The following SGCD variants were observed in gnomAD, a reference collection of about 807,000 sequenced individuals.
SGCD encodes the protein delta-sarcoglycan.
In SGCD, 18 loss-of-function variants were observed where a neutral mutation model predicts 36.6. The ratio of observed to expected loss-of-function variants is 0.49; its 90% CI spans 0.34 to 0.73. The LOEUF is 0.73. Among genes scored for constraint, SGCD ranks in the 30% least tolerant of loss-of-function variants. The pLI is 0.01. For synonymous variants in SGCD, 133 were observed against 130.6 expected, an observed-to-expected ratio of 1.02 and a Z score of -0.12; for missense variants, 387 against 346.7, an observed-to-expected ratio of 1.12 and a Z score of -0.92.
chr5:156,546,506 C>T (rs1240024487), intron 4 of SGCD, among the ~76,000 whole-genome samples: 1 of 152,068 alleles, frequency 6.6e-6, no homozygotes, highest in Non-Finnish European at 1.5e-5. Flanking sequence ...AGAGAATATA[C>T]TTATTTAACC....
At chr5:156,541,109 T>C (rs1350989603) in intron 4 of SGCD, among the ~76,000 whole-genome samples, 1 of 152,194 alleles carries the variant, frequency 6.6e-6, no homozygotes, top group Non-Finnish European at 1.5e-5. Context: ...GGAATGTGAA[T>C]GCAAAGATTC....
intron 3 of SGCD, among the ~76,000 whole-genome samples, chr5:156,399,895 T>C (rs1323881831): frequency 6.6e-6 from 1 of 152,204 alleles, no homozygotes; most frequent in African/African-American, 2.4e-5. Context: ...CCTGTCACTA[T>C]ATATTGACAA....
chr5:156,220,586 G>C (rs1764693574), intron 3 of SGCD, among the ~76,000 whole-genome samples: 1 of 152,158 alleles, frequency 6.6e-6, no homozygotes, highest in Non-Finnish European at 1.5e-5. Flanking sequence ...CATGGCCTCA[G>C]TCAATCCTAC....
intron 3 of SGCD, among the ~76,000 whole-genome samples, chr5:156,201,674 A>T (rs901865068): frequency 5.3e-5 from 8 of 152,018 alleles, no homozygotes; most frequent in African/African-American, 1.9e-4. Context: ...AAATCGAATG[A>T]ATGCCTCATG....
intron 3 of SGCD, among the ~76,000 whole-genome samples, chr5:156,186,796 C>T (rs1429791457): frequency 2.6e-5 from 4 of 152,286 alleles, no homozygotes; most frequent in Non-Finnish European, 5.9e-5. Context: ...CCTTGCCTCC[C>T]CTTTACTTTT....
chr5:156,250,645 A>G (rs767692522), intron 3 of SGCD, among the ~76,000 whole-genome samples: 2 of 152,164 alleles, frequency 1.3e-5, no homozygotes, highest in Admixed American at 1.3e-4. Flanking sequence ...ATATTCACCA[A>G]CTTTCCGATT....
intron 3 of SGCD, among the ~76,000 whole-genome samples, chr5:156,393,122 C>A (rs377438255): frequency 1.6e-4 from 25 of 152,306 alleles, no homozygotes; most frequent in African/African-American, 5.3e-4. Context: ...AAAGGGACCA[C>A]GCCCTTCTCT....
At chr5:156,684,677 C>T (rs544201096) in intron 7 of SGCD, among the ~76,000 whole-genome samples, 21 of 152,312 alleles carry the variant, frequency 1.4e-4, no homozygotes, top group Non-Finnish European at 1.8e-4. Flanking sequence ...TTTCTTTCCC[C>T]CAGCAGGCTG....
At chr5:155,854,842 G>A in the SGCD span, among the ~76,000 whole-genome samples, 4 of 152,150 alleles carry the variant, frequency 2.6e-5, no homozygotes, top group African/African-American at 2.4e-5. Context: ...ATGTACCAAA[G>A]CTTCACTTAA....
intron 7 of SGCD, among the ~76,000 whole-genome samples, chr5:156,755,671 AC>A (rs1357762478): frequency 6.6e-6 from 1 of 152,230 alleles, no homozygotes; most frequent in Non-Finnish European, 1.5e-5. Context: ...GTTCAGCACA[AC>A]CTGGTGAAGG....
At chr5:156,544,256 G>T (rs1224172443) in intron 4 of SGCD, among the ~76,000 whole-genome samples, 4 of 152,182 alleles carry the variant, frequency 2.6e-5, no homozygotes, top group Non-Finnish European at 5.9e-5. Context: ...TAAATAGCTT[G>T]CCTTCTAATG....
At position 156,443,237 on chromosome 5, in the gene SGCD, G is replaced by A. The variant is rs183089904; in HGVS notation, c.193-65364G>A. On this transcript the variant is annotated intron_variant, in intron 3 of 8. Coordinates refer to ENST00000337851, the MANE Select transcript of SGCD (RefSeq NM_000337.6). ...TGACCTCAGATGATCTGCCTGCCTT[G>A]GCCTCCCAAAGTGCTGGGATTACAG... Among the ~76,000 whole-genome samples the A allele has an allele frequency of 1.5e-3, 225 of 152,186 alleles. 1 individual carries two copies. The highest frequency in any genetic ancestry group is 5.1e-3 in the African/African-American group (213 of 41,512).
intron 3 of SGCD, among the ~76,000 whole-genome samples, chr5:156,269,510 A>AAAAACAAAAG (rs1408141297): frequency 8.0e-5 from 11 of 137,730 alleles, no homozygotes; most frequent in Non-Finnish European, 1.7e-4. Flanking sequence ...AAAAAAAAAA[A>AAAAACAAAAG]CCATCAGATC....
chr5:155,801,108 C>T, the SGCD span, among the ~76,000 whole-genome samples: 1 of 152,152 alleles, frequency 6.6e-6, no homozygotes, highest in Non-Finnish European at 1.5e-5. Flanking sequence ...AACTGATCCA[C>T]CTCTCTGCCT....
rs13436252 is a variant in SGCD, at chr5:155,992,377, C to T, written c.-282+121953C>T. Among the ~76,000 whole-genome samples the T allele has an allele frequency of 1.9e-3, 282 of 152,224 alleles. 1 individual carries two copies. Among genetic ancestry groups the T allele is most frequent in the African/African-American group, 6.6e-3 (276 of 41,530 alleles). ...TGCCTCGGGTGTGCAGATTTGGAAA[C>T]CGTAGCTTGTCTCTTCTCTTTTTAA... is the stretch of plus-strand genomic sequence containing the variant. On this transcript the variant is annotated intron_variant, in intron 1 of 9. Coordinates refer to the SGCD transcript ENST00000517913.
rs58548934 is a variant in SGCD at position 155,928,666 on chromosome 5, C to CAAA, written c.-282+58262_-282+58264dup. ...CTGCTGACAGAGTGAGACTCTGTCT[C>CAAA]AAAAAAAAAAAAAAAAAAAAAAGAG... On this transcript the variant is annotated intron_variant, in intron 1 of 9. Transcript: ENST00000517913. Among the ~76,000 whole-genome samples the CAAA allele has an allele frequency of 4.0e-3, 271 of 67,912 alleles. 1 individual carries two copies. The highest frequency in any genetic ancestry group is 4.8e-3 in the Non-Finnish European group (187 of 38,944). 44.6% of individuals were successfully genotyped at this position (67,912 alleles called of 152,430 possible).
intron 3 of SGCD, among the ~76,000 whole-genome samples, chr5:156,499,374 G>A (rs1481159997): frequency 1.3e-5 from 2 of 152,096 alleles, no homozygotes; most frequent in Non-Finnish European, 2.9e-5. Flanking sequence ...GCAATGTACT[G>A]AGCCCCCAAG....
intron 3 of SGCD, among the ~76,000 whole-genome samples, chr5:156,402,384 C>A (rs978706335): frequency 2.0e-5 from 3 of 152,110 alleles, no homozygotes; most frequent in Admixed American, 2.0e-4. Context: ...TGGCATAGAG[C>A]AATTTTTTGC....
At position 156,760,097 on chromosome 5, in the gene SGCD, A is replaced by AACTC. The variant is rs1176765950; in HGVS notation, c.*710_*713dup. ...AACTTCTGCTATCTTGCTCCCTCCA[A>AACTC]ACTCACAGATTCTCCTACAGTCAAA... On this transcript the variant is annotated 3_prime_UTR_variant, in exon 9 of 9. Transcript: ENST00000337851. 1 of 152,180 alleles carries AACTC rather than the reference A, an allele frequency of 6.6e-6. No individual in the cohort carries two copies. Among genetic ancestry groups the AACTC allele is most frequent in the Non-Finnish European group, 1.5e-5 (1 of 68,036 alleles). The allele number at this position is 152,180 out of a possible 1,614,324, so 9.4% of individuals were successfully genotyped here. A position where few individuals can be genotyped will look rare whatever the true frequency, so the allele number is the denominator to read the frequency against.
Sources: allele counts gnomAD v4.1 joint callset (sites outside exome capture counted in the v4.1 genomes callset), GRCh38; gene constraint gnomAD v4.1.1; transcripts MANE v1.5; gene names NCBI Gene and HGNC (gene_info 2026-07-23, HGNC 2026-07-21).